Variants in SND1 observed in about 807,000 individuals in gnomAD.
SND1 encodes staphylococcal nuclease domain-containing protein 1.
Under a neutral mutation model 121.7 loss-of-function variants are expected in SND1, and 38 were observed. That is an observed-to-expected ratio of 0.31 (90% confidence interval 0.24 to 0.41). The LOEUF (loss-of-function observed/expected upper bound fraction) is 0.41. Ranked by LOEUF, SND1 falls within the 10% of genes least tolerant of loss-of-function variation. The pLI, the probability that SND1 is intolerant of heterozygous loss-of-function variation, is 1.00. For synonymous variants in SND1, 401 were observed against 447.4 expected (o/e 0.90, Z 1.31); for missense variants, 868 against 1,184.6 (o/e 0.73, Z 3.92).
chr7:127,960,107 T>A (rs1043282266), intron 15 of SND1, among the ~76,000 whole-genome samples: 5 of 152,202 alleles, frequency 3.3e-5, no homozygotes, highest in South Asian at 4.1e-4. Flanking sequence ...GCAAGACCAA[T>A]CTAGCAGCAC....
chr7:128,002,829 A>G (rs1802868202), intron 16 of SND1, among the ~76,000 whole-genome samples: 1 of 152,200 alleles, frequency 6.6e-6, no homozygotes, highest in Admixed American at 6.5e-5. Flanking sequence ...CATGACCACA[A>G]CAATCCAGGA....
At chr7:127,846,552 G>C (rs747002128) in intron 12 of SND1, among the ~76,000 whole-genome samples, 1 of 152,156 alleles carries the variant, frequency 6.6e-6, no homozygotes, top group East Asian at 1.9e-4. Flanking sequence ...CTTATTCCCT[G>C]TTGTAGCCCT....
chr7:128,056,347 G>T (rs1233975219), intron 16 of SND1, among the ~76,000 whole-genome samples: 1 of 152,204 alleles, frequency 6.6e-6, no homozygotes, highest in East Asian at 1.9e-4. Flanking sequence ...GCCAGCCTTT[G>T]CCCCAGATAC....
intron 10 of SND1, among the ~76,000 whole-genome samples, chr7:127,755,251 GT>G (rs1278226608): frequency 6.6e-6 from 1 of 152,206 alleles, no homozygotes; most frequent in African/African-American, 2.4e-5. Flanking sequence ...GTGACATCTT[GT>G]TCTTCCATAG....
chr7:127,785,204 C>T (rs567406928), intron 10 of SND1, among the ~76,000 whole-genome samples: 6 of 152,242 alleles, frequency 3.9e-5, no homozygotes, highest in Admixed American at 3.3e-4. Flanking sequence ...CCACCATGCC[C>T]GGCCAGGAAT....
rs147287993 is a variant in SND1, at chr7:127,941,947, A to T, written c.1669+12618A>T. Among the ~76,000 whole-genome samples the T allele has an allele frequency of 5.7e-3, 725 of 126,616 alleles. 4 individuals are homozygous for T. Among genetic ancestry groups the T allele is most frequent in the Middle Eastern group, 0.03 (5 of 168 alleles). 83.1% of individuals were successfully genotyped at this position (126,616 alleles called of 152,430 possible). ...AAGTTTAGACCTATTTGTGAGTGCTACTGATTGGGAAGTGCTAACGACAGA... is the reference window on the plus strand; with the variant it reads ...AAGTTTAGACCTATTTGTGAGTGCTTCTGATTGGGAAGTGCTAACGACAGA... On this transcript the variant is annotated intron_variant, in intron 15 of 23. Transcript: ENST00000354725.
intron 16 of SND1, chr7:128,027,146 A>G (rs1378175545): frequency 2.0e-5 from 3 of 152,528 alleles, no homozygotes; most frequent in Non-Finnish European, 2.9e-5. Flanking sequence ...TTTTGTTGGC[A>G]ATTCCCCTCC....
intron 17 of SND1, among the ~76,000 whole-genome samples, chr7:128,076,814 G>C (rs1200655906): frequency 6.6e-6 from 1 of 152,198 alleles, no homozygotes; most frequent in Non-Finnish European, 1.5e-5. Context: ...GCATGCATTC[G>C]TGAGTGTGTC....
intron 15 of SND1, among the ~76,000 whole-genome samples, chr7:127,938,070 G>T (rs1801100110): frequency 6.6e-6 from 1 of 152,200 alleles, no homozygotes; most frequent in African/African-American, 2.4e-5. Context: ...ATCCCAGTTT[G>T]ATTCTGTCTC....
At chr7:127,655,874 A>T (rs1373842564) in intron 1 of SND1, among the ~76,000 whole-genome samples, 1 of 152,186 alleles carries the variant, frequency 6.6e-6, no homozygotes, top group Non-Finnish European at 1.5e-5. Context: ...TCGCAACAGC[A>T]GAATGAATCT....
At chr7:127,761,521 G>A (rs193069834) in intron 10 of SND1, among the ~76,000 whole-genome samples, 149 of 152,230 alleles carry the variant, frequency 9.8e-4, no homozygotes, top group Non-Finnish European at 7.6e-4. Context: ...GGAGATTTAC[G>A]GAGACTTTAA....
At chr7:127,666,965 T>C (rs1184749300) in intron 1 of SND1, among the ~76,000 whole-genome samples, 2 of 152,194 alleles carry the variant, frequency 1.3e-5, no homozygotes, top group African/African-American at 4.8e-5. Context: ...GATGGTACCT[T>C]AATTCAGCAA....
intron 16 of SND1, among the ~76,000 whole-genome samples, chr7:128,070,065 C>A (rs1221043142): frequency 1.3e-5 from 2 of 152,344 alleles, no homozygotes; most frequent in East Asian, 3.9e-4. Context: ...TGCTGGCAGA[C>A]CAGCAGGGCT....
intron 15 of SND1, among the ~76,000 whole-genome samples, chr7:127,975,847 C>A (rs556076112): frequency 6.6e-6 from 1 of 152,326 alleles, no homozygotes; most frequent in East Asian, 1.9e-4. Flanking sequence ...ACTCTGACAC[C>A]CCCACAGAGG....
At chr7:127,883,542 G>T (rs891365889) in intron 12 of SND1, among the ~76,000 whole-genome samples, 2 of 152,082 alleles carry the variant, frequency 1.3e-5, no homozygotes, top group South Asian at 2.1e-4. Context: ...GCAACTGGCC[G>T]ATCTATTGTA....
chr7:128,074,556 C>T lies in SND1; in HGVS notation c.1834C>T (p.His612Tyr). The change falls in exon 17 of 24, where the codon CAC becomes TAC. Residue 612 changes from histidine to tyrosine, a missense_variant. Around this residue, in one of 2 missense-constraint regions of SND1, gnomAD observed 743 missense variants for 1,071.3 expected, o/e 0.69. Coordinates refer to ENST00000354725, the MANE Select transcript of SND1 (RefSeq NM_014390.4). Reference protein sequence around the residue: ...DKAGNFIGWLHIDGANLSVLL... With the variant: ...DKAGNFIGWLYIDGANLSVLL... Reference sequence around the variant, plus strand: ...GGCCGGCAACTTTATCGGCTGGCTGCACATCGACGGTGCCAACCTGTCCGT... The same window carrying T: ...GGCCGGCAACTTTATCGGCTGGCTGTACATCGACGGTGCCAACCTGTCCGT... The T allele has an allele frequency of 6.2e-7, 1 of 1,613,506 alleles. No homozygotes were observed. Among genetic ancestry groups the T allele is most frequent in the Non-Finnish European group, 8.5e-7 (1 of 1,179,874 alleles).
At chr7:127,856,979 G>A (rs1252989900) in intron 12 of SND1, among the ~76,000 whole-genome samples, 1 of 152,008 alleles carries the variant, frequency 6.6e-6, no homozygotes, top group African/African-American at 2.4e-5. Flanking sequence ...TCAGATCATT[G>A]AGTGAAGGTT....
chr7:127,942,133 A>G (rs895319824), intron 15 of SND1, among the ~76,000 whole-genome samples: 1 of 151,970 alleles, frequency 6.6e-6, no homozygotes, highest in African/African-American at 2.4e-5. Context: ...TGTTCTTGCT[A>G]GTATTCTTGC....
intron 12 of SND1, among the ~76,000 whole-genome samples, chr7:127,876,697 G>A (rs1241000981): frequency 6.6e-6 from 1 of 152,158 alleles, no homozygotes; most frequent in Non-Finnish European, 1.5e-5. Context: ...TGGATTGGAA[G>A]TTCATGTAGT....
Sources: allele counts gnomAD v4.1 joint callset (sites outside exome capture counted in the v4.1 genomes callset), GRCh38; gene constraint gnomAD v4.1.1; regional missense constraint gnomAD v4.1.1; transcripts MANE v1.5; gene names NCBI Gene and HGNC (gene_info 2026-07-23, HGNC 2026-07-21).